The following UBR3 variants were observed in gnomAD, a reference collection of about 807,000 sequenced individuals.
UBR3 encodes the protein ubiquitin protein ligase E3 component n-recognin 3, also known as E3 ubiquitin-protein ligase UBR3.
Under a neutral mutation model 243.2 loss-of-function variants are expected in UBR3, and 85 were observed. That is an observed-to-expected ratio of 0.35 (90% CI 0.29 to 0.42). UBR3 has a LOEUF of 0.42. Ranked by LOEUF, UBR3 falls within the 10% of genes least tolerant of loss-of-function variation. The pLI is 1.00. For synonymous variants in UBR3, 748 were observed against 799.8 expected (o/e 0.94, Z 1.09); for missense variants, 1,686 against 2,300.8 (o/e 0.73, Z 5.47).
intron 5 of UBR3, among the ~76,000 whole-genome samples, chr2:169,880,965 T>C (rs995765068): frequency 3.9e-5 from 6 of 152,190 alleles, no homozygotes; most frequent in African/African-American, 9.6e-5. Context: ...GTGTGTAGTA[T>C]GTTTTATGTA....
intron 1 of UBR3, among the ~76,000 whole-genome samples, chr2:169,845,528 GTCGTCTTCT>G (rs1334945158): frequency 3.7e-5 from 4 of 107,924 alleles, no homozygotes; most frequent in African/African-American, 6.6e-5. Context: ...CGTCGTCGTC[GTCGTCTTCT>G]TCTTCTTCTT....
At chr2:169,913,862 G>A (rs988725649) in intron 10 of UBR3, among the ~76,000 whole-genome samples, 198 bp from the exon 11 acceptor site, 6 of 152,060 alleles carry the variant, frequency 3.9e-5, no homozygotes, top group Admixed American at 3.9e-4. Context: ...AAAAAAGGAA[G>A]CGTATTGACT....
Position 169,905,168 on chromosome 2 carries a change from A to T in UBR3, c.1520A>T (p.Asn507Ile). The stretch of plus-strand genomic sequence containing the variant: ...AACTGTGGAGAAGCATTACTGAAGA[A>T]TAACACTTACTGGCCTCTTGTTAGT... ...VVNCGEALLKNNTYWPLVSDF... is the reference protein window; with the variant it reads ...VVNCGEALLKINTYWPLVSDF... Residue 507 changes from asparagine to isoleucine, a missense_variant, in exon 9 of 39, where the codon AAT becomes ATT. Transcript: ENST00000272793. 1 of 1,545,572 alleles carries T rather than the reference A, an allele frequency of 6.5e-7. No homozygotes were observed.
At chr2:169,872,153 C>A in intron 1 of UBR3, 83 bp from the exon 2 acceptor site, 2 of 978,834 alleles carry the variant, frequency 2.0e-6, no homozygotes, top group Non-Finnish European at 2.8e-6. Flanking sequence ...GCCTATATTC[C>A]ATTTACGAAT....
chr2:169,863,740 A>C (rs2083163902), intron 1 of UBR3, among the ~76,000 whole-genome samples: 1 of 152,198 alleles, frequency 6.6e-6, no homozygotes, highest in Non-Finnish European at 1.5e-5. Flanking sequence ...CACTTGACTT[A>C]CTGGTTCTAC....
At chr2:169,918,260 G>A (rs1159234809) in intron 11 of UBR3, among the ~76,000 whole-genome samples, 1 of 151,394 alleles carries the variant, frequency 6.6e-6, no homozygotes, top group Non-Finnish European at 1.5e-5. Context: ...AACTAGCTAT[G>A]TGGCCTTGGA....
intron 1 of UBR3, among the ~76,000 whole-genome samples, chr2:169,855,489 G>A (rs984955945): frequency 3.3e-5 from 5 of 152,052 alleles, no homozygotes; most frequent in Non-Finnish European, 7.4e-5. Context: ...TAGGCAGAGG[G>A]CCCTGCCGCC....
intron 1 of UBR3, among the ~76,000 whole-genome samples, chr2:169,852,491 T>C (rs1387296367): frequency 6.6e-6 from 1 of 152,104 alleles, no homozygotes; most frequent in African/African-American, 2.4e-5. Flanking sequence ...AAAAACAGAA[T>C]TGAGTAATTA....
rs557799532 is a variant in UBR3, at chr2:170,064,275, T to C, written c.5019+2832T>C. Among the ~76,000 whole-genome samples the C allele has an allele frequency of 1.4e-4, 21 of 152,294 alleles. No homozygotes were observed. The South Asian group carries it at 3.3e-3, about 24-fold the overall frequency. On this transcript the variant is annotated intron_variant, in intron 35 of 38. Transcript: ENST00000272793. The stretch of plus-strand genomic sequence containing the variant: ...TTTAGCCATAGTGTCCTTTGTGGAA[T>C]AGAAATTTTTCAGTTTAATGTTGTT...
chr2:169,939,075 A>T (rs1211340356), intron 19 of UBR3, among the ~76,000 whole-genome samples: 1 of 152,054 alleles, frequency 6.6e-6, no homozygotes, highest in East Asian at 1.9e-4. Context: ...AATGATTAAA[A>T]AAATCTTCCT....
chr2:169,934,561 AT>A (rs2086254545), intron 19 of UBR3, among the ~76,000 whole-genome samples: 1 of 152,146 alleles, frequency 6.6e-6, no homozygotes, highest in Non-Finnish European at 1.5e-5. Context: ...GATCATTTTC[AT>A]CTGCTTTTTA....
At chr2:169,923,862 T>C (rs903392236) in intron 11 of UBR3, 67 bp from the exon 12 acceptor site, 9 of 1,357,814 alleles carry the variant, frequency 6.6e-6, no homozygotes, top group Non-Finnish European at 9.0e-6. Context: ...GGTTTAAACA[T>C]TTTACAACCA....
intron 10 of UBR3, among the ~76,000 whole-genome samples, chr2:169,910,489 G>A (rs928311413): frequency 2.6e-5 from 4 of 151,942 alleles, no homozygotes; most frequent in Non-Finnish European, 5.9e-5. Context: ...CATTATTTCC[G>A]GGCAGTAGTT....
intron 24 of UBR3, among the ~76,000 whole-genome samples, chr2:169,963,387 C>A (rs977059669): frequency 6.6e-6 from 1 of 152,170 alleles, no homozygotes; most frequent in South Asian, 2.1e-4. Context: ...CATCATGTCT[C>A]TTTCTCCTCC....
chr2:169,948,186 C>A (rs1351230091), intron 22 of UBR3, among the ~76,000 whole-genome samples: 2 of 150,626 alleles, frequency 1.3e-5, no homozygotes, highest in Admixed American at 6.6e-5. Flanking sequence ...TATTAGTGTT[C>A]GAAGTATTTT....
chr2:169,917,125 T>C (rs1020404884), intron 11 of UBR3, among the ~76,000 whole-genome samples: 1 of 152,188 alleles, frequency 6.6e-6, no homozygotes, highest in African/African-American at 2.4e-5. Flanking sequence ...TGTCAGCTCT[T>C]AGCCTTCAAC....
intron 23 of UBR3, among the ~76,000 whole-genome samples, chr2:169,951,763 G>C (rs1177837776): frequency 6.6e-6 from 1 of 152,024 alleles, no homozygotes; most frequent in East Asian, 1.9e-4. Flanking sequence ...GGTGTGGTAA[G>C]GGTCTGAACT....
chr2:169,878,619 CT>C, intron 5 of UBR3, 45 bp downstream of exon 5: 2 of 1,399,570 alleles, frequency 1.4e-6, no homozygotes, highest in Non-Finnish European at 9.8e-7. Flanking sequence ...CAATTTTGTG[CT>C]TTTTTATACT....
At chr2:169,880,454 C>T (rs1243244046) in intron 5 of UBR3, among the ~76,000 whole-genome samples, 3 of 152,146 alleles carry the variant, frequency 2.0e-5, no homozygotes, top group Admixed American at 2.0e-4. Context: ...GATGCCTTCT[C>T]CTCTGTCTAG....
Sources: allele counts gnomAD v4.1 joint callset (sites outside exome capture counted in the v4.1 genomes callset), GRCh38; gene constraint gnomAD v4.1.1; transcripts MANE v1.5; gene names NCBI Gene and HGNC (gene_info 2026-07-23, HGNC 2026-07-21).